The following VPS13D variants were observed in gnomAD, a reference collection of about 807,000 sequenced individuals.
The protein encoded by VPS13D is vacuolar protein sorting 13 homolog D, also known as intermembrane lipid transfer protein VPS13D.
VPS13D carries 187 observed loss-of-function variants against 461.9 expected under a neutral mutation model. The ratio of observed to expected loss-of-function variants is 0.40; its 90% CI spans 0.36 to 0.46. VPS13D has a LOEUF of 0.46. Among genes scored for constraint, VPS13D ranks in the 20% least tolerant of loss-of-function variants. The pLI is 0.60. For synonymous variants in VPS13D, 1,951 were observed against 1,986.3 expected (o/e 0.98, Z 0.47); for missense variants, 4,711 against 5,364.9 (o/e 0.88, Z 3.81).
intron 53 of VPS13D, 44 bp downstream of exon 53, chr1:12,368,635 G>C: frequency 6.3e-7 from 1 of 1,593,906 alleles, no homozygotes. Context: ...TTCATGTGTG[G>C]GAGGGTGGAG....
intron 68 of VPS13D, among the ~76,000 whole-genome samples, chr1:12,500,833 T>A (rs1646025619): frequency 6.7e-6 from 1 of 149,632 alleles, no homozygotes; most frequent in Non-Finnish European, 1.5e-5. Context: ...GAGGCCAAAG[T>A]GGGAGGATCG....
At chr1:12,272,392 GGTGTGTGTGTGT>G (rs60615824) in intron 17 of VPS13D, among the ~76,000 whole-genome samples, 44 of 143,126 alleles carry the variant, frequency 3.1e-4, no homozygotes, top group Non-Finnish European at 4.0e-4. Flanking sequence ...TTTTTGTTTT[GGTGTGTGTGTGT>G]GTGTGTGTGT....
In VPS13D at chr1:12,270,902, T is replaced by G. The variant is rs981466912; in HGVS notation, c.1973-92T>G. On this transcript the variant is annotated intron_variant, in intron 16 of 69. Transcript: ENST00000620676. ...GCCTGATTTTTTTTTTTTTAAGCTTTGATGGACATTCTTGGTGAGAATTGA... is the reference window on the plus strand; with the variant it reads ...GCCTGATTTTTTTTTTTTTAAGCTTGGATGGACATTCTTGGTGAGAATTGA... 27 of 1,511,006 alleles carry G rather than the reference T, an allele frequency of 1.8e-5. No individual in the cohort carries two copies. The Admixed American group carries it at 2.5e-4, about 14-fold the overall frequency. The allele number at this position is 1,511,006 out of a possible 1,614,324, so 93.6% of individuals were successfully genotyped here. A position where few individuals can be genotyped will look rare whatever the true frequency, so the allele number is the denominator to read the frequency against.
At position 12,258,092 on chromosome 1, in the gene VPS13D, A is replaced by G; in HGVS notation, c.1099A>G (p.Thr367Ala). The change falls in exon 10 of 70, where the codon ACA becomes GCA. Residue 367 changes from threonine to alanine, a missense_variant. By Grantham distance (58) the Thr-to-Ala change is moderately conservative. This residue lies in a region of VPS13D where 4,411 missense variants were observed against 4,937.8 expected (regional missense o/e 0.89). Transcript: ENST00000620676. ...CAAGTTAAAAGGAGGCCTGCTGTCC[A>G]CAGATGACAAGGTAAGTGGACTGTG... ...FNKLKGGLLS[T>A]DDKEEMCRIE... The G allele has an allele frequency of 1.2e-6, 2 of 1,614,252 alleles. No individual in the cohort carries two copies.
intron 22 of VPS13D, among the ~76,000 whole-genome samples, chr1:12,290,614 C>T (rs574304828): frequency 2.6e-5 from 4 of 151,622 alleles, no homozygotes; most frequent in Admixed American, 6.6e-5. Flanking sequence ...CCCAGCTACT[C>T]GGCGGGGCTG....
intron 35 of VPS13D, among the ~76,000 whole-genome samples, chr1:12,324,515 G>T (rs775179598): frequency 6.6e-6 from 1 of 152,156 alleles, no homozygotes; most frequent in African/African-American, 2.4e-5. Context: ...AAAAAAAAGG[G>T]GCTCTGGAGC....
chr1:12,473,574 G>A lies in VPS13D; in HGVS notation c.12662+13178G>A, dbSNP rs75157795. On this transcript the variant is annotated intron_variant, in intron 67 of 69. Transcript: ENST00000620676. The surrounding 1 kb of genome is among the most constrained non-coding windows in gnomAD (Gnocchi z 4.2). The stretch of plus-strand genomic sequence containing the variant: ...TATGCCTACCTCGGTGGGTGGTTAC[G>A]TGGATTAAATTATATCATGTATATA... 0.034 allele frequency among the ~76,000 whole-genome samples: 5,180 copies of A among 152,194 alleles called. 179 individuals carry two copies. The highest frequency in any genetic ancestry group is 0.11 in the Admixed American group (1,647 of 15,268).
At chr1:12,280,014 G>T (rs1011624901) in intron 20 of VPS13D, among the ~76,000 whole-genome samples, 1 of 152,140 alleles carries the variant, frequency 6.6e-6, no homozygotes, top group Non-Finnish European at 1.5e-5. Context: ...GTGAAACATT[G>T]TGATCATCTG....
intron 65 of VPS13D, among the ~76,000 whole-genome samples, chr1:12,438,032 C>T (rs1244152798): frequency 1.3e-5 from 2 of 152,184 alleles, no homozygotes; most frequent in Admixed American, 6.5e-5. Context: ...TTTCTTAGCA[C>T]ACCTTGATGT....
At chr1:12,393,079 A>G (rs1644449212) in intron 60 of VPS13D, among the ~76,000 whole-genome samples, 1 of 152,236 alleles carries the variant, frequency 6.6e-6, no homozygotes, top group African/African-American at 2.4e-5. Context: ...TTGGCAGGCC[A>G]CACACCACTA....
intron 3 of VPS13D, among the ~76,000 whole-genome samples, chr1:12,243,916 G>A (rs994349370): frequency 1.3e-5 from 2 of 152,146 alleles, no homozygotes; most frequent in African/African-American, 2.4e-5. Context: ...GGGCTTGTGC[G>A]GGACCCGGGG....
Position 12,478,518 on chromosome 1 carries a change from T to C in VPS13D, c.12662+18122T>C, listed in dbSNP as rs548645619. 6.5e-4 allele frequency: 189 copies of C among 291,248 alleles called. 2 individuals are homozygous for C. Among genetic ancestry groups the C allele is most frequent in the South Asian group, 6.5e-3 (183 of 28,214 alleles). The allele number at this position is 291,248 out of a possible 1,614,324, so 18.0% of individuals were successfully genotyped here. ...GAGTGCATATCCACAGGGCAAAAGT[T>C]TATAAAGAGTCGAGGCTGTCCTGTT... On this transcript the variant is annotated intron_variant, in intron 67 of 69. Coordinates refer to ENST00000620676, the MANE Select transcript of VPS13D (RefSeq NM_015378.4).
At position 12,369,560 on chromosome 1, in the gene VPS13D, C is replaced by T. The variant is rs754029893; in HGVS notation, c.10666C>T (p.Pro3556Ser). 5.6e-6 allele frequency: 9 copies of T among 1,614,146 alleles called. No homozygotes were observed. In the South Asian group the frequency reaches 7.7e-5, roughly 14 times the overall value. ...TTCATTGGATTATGCCTGGGACGAA[C>T]CCACCTTGCCACCTTTTATCACTCT... ...MTSLDYAWDEPTLPPFITLTV... is the reference protein window; with the variant it reads ...MTSLDYAWDESTLPPFITLTV... The change falls in exon 54 of 70, where the codon CCC (proline) becomes TCC (serine). Residue 3556 changes from proline (P) to serine (S), a missense_variant. Coordinates refer to ENST00000620676, the MANE Select transcript of VPS13D (RefSeq NM_015378.4).
chr1:12,282,576 G>A (rs1641817205), intron 20 of VPS13D, 129 bp from the exon 21 acceptor site: 1 of 898,658 alleles, frequency 1.1e-6, no homozygotes, highest in East Asian at 2.4e-5. Flanking sequence ...AATGAAAAGA[G>A]ATAGTCTTTG....
At chr1:12,355,210 C>G (rs147595900) in intron 47 of VPS13D, among the ~76,000 whole-genome samples, 1 of 152,298 alleles carries the variant, frequency 6.6e-6, no homozygotes, top group East Asian at 1.9e-4. Flanking sequence ...TAAATCAGGT[C>G]TTCAATCTTG....
chr1:12,252,542 C>A (rs539416820), intron 6 of VPS13D, among the ~76,000 whole-genome samples: 2 of 152,026 alleles, frequency 1.3e-5, no homozygotes, highest in African/African-American at 4.8e-5. Flanking sequence ...GAGGCCGAGG[C>A]GGGCAGATCG....
chr1:12,242,464 C>A, intron 2 of VPS13D, 49 bp from the exon 3 acceptor site: 1 of 1,525,534 alleles, frequency 6.6e-7, no homozygotes, highest in South Asian at 1.1e-5. Context: ...AGTAGGTGGC[C>A]TACTGTATTT....
At chr1:12,295,640 TTTTC>T (rs1011332921) in intron 24 of VPS13D, among the ~76,000 whole-genome samples, 33 of 152,250 alleles carry the variant, frequency 2.2e-4, no homozygotes, top group African/African-American at 7.0e-4. Flanking sequence ...TATAACCTTT[TTTTC>T]TTTCTTTAAC....
Position 12,441,406 on chromosome 1 carries a change from G to A in VPS13D, c.12334-14592G>A, listed in dbSNP as rs1008681965. ...GGCCTCCTGTCATTAAAGCATGGAC[G>A]CCAGCTTTTCAGCATTGTATGCAGC... On this transcript the variant is annotated intron_variant, in intron 65 of 69. Coordinates refer to ENST00000620676, the MANE Select transcript of VPS13D (RefSeq NM_015378.4). Among the ~76,000 whole-genome samples, 102 of 152,236 alleles carry A rather than the reference G, an allele frequency of 6.7e-4. 2 individuals carry two copies. The highest frequency in any genetic ancestry group is 4.8e-3 in the Admixed American group (73 of 15,300).
Sources: allele counts gnomAD v4.1 joint callset (sites outside exome capture counted in the v4.1 genomes callset), GRCh38; gene constraint gnomAD v4.1.1; regional missense constraint gnomAD v4.1.1; non-coding constraint Gnocchi (gnomAD v3.1); transcripts MANE v1.5; gene names NCBI Gene and HGNC (gene_info 2026-07-23, HGNC 2026-07-21).